SH3BGRL2: variants seen among roughly 807,000 people sequenced by gnomAD.
The protein encoded by SH3BGRL2 is SH3 domain binding glutamate rich protein like 2.
A neutral mutation model predicts 14.8 loss-of-function variants in SH3BGRL2; 21 were observed. That is an observed-to-expected ratio of 1.42 (90% CI 1.01 to 2.05). SH3BGRL2 has a LOEUF of 2.05. Ranked by LOEUF, SH3BGRL2 falls within the 30% of genes most tolerant of loss-of-function variation. SH3BGRL2 has a pLI of 0.00. For missense variants in SH3BGRL2, 147 were observed against 130.8 expected (o/e 1.12, Z -0.61); for synonymous variants, 50 against 47.8 (o/e 1.05, Z -0.19).
the SH3BGRL2 span, among the ~76,000 whole-genome samples, chr6:79,591,323 A>G: frequency 6.6e-6 from 1 of 152,172 alleles, no homozygotes; most frequent in Non-Finnish European, 1.5e-5. Flanking sequence ...CTATTGATCT[A>G]ATCTTTTTAT....
At chr6:79,555,998 G>C in the SH3BGRL2 span, among the ~76,000 whole-genome samples, 9 of 152,068 alleles carry the variant, frequency 5.9e-5, no homozygotes, top group African/African-American at 2.2e-4. Context: ...GGGACATGTC[G>C]TGGGCTTAGG....
At chr6:79,600,245 A>G in the SH3BGRL2 span, among the ~76,000 whole-genome samples, 1 of 152,162 alleles carries the variant, frequency 6.6e-6, no homozygotes, top group Non-Finnish European at 1.5e-5. Flanking sequence ...ACTTTCTCTA[A>G]TGAATCTGCC....
At chr6:79,564,078 A>G in the SH3BGRL2 span, among the ~76,000 whole-genome samples, 1 of 152,114 alleles carries the variant, frequency 6.6e-6, no homozygotes, top group African/African-American at 2.4e-5. Context: ...GTAGATTGCT[A>G]TGGCAAGCTG....
At chr6:79,638,843 C>G (rs1488766136) in intron 1 of SH3BGRL2, among the ~76,000 whole-genome samples, 1 of 152,016 alleles carries the variant, frequency 6.6e-6, no homozygotes, top group African/African-American at 2.4e-5. Context: ...CAATATTAAT[C>G]TCCTGTTGAC....
the SH3BGRL2 span, among the ~76,000 whole-genome samples, chr6:79,545,031 G>T: frequency 6.6e-6 from 1 of 152,302 alleles, no homozygotes; most frequent in South Asian, 2.1e-4. Flanking sequence ...TCTCCCTCTA[G>T]TTCTATTTCT....
chr6:79,546,503 C>T, the SH3BGRL2 span, among the ~76,000 whole-genome samples: 1 of 152,068 alleles, frequency 6.6e-6, no homozygotes, highest in Admixed American at 6.5e-5. Context: ...TTTACTTCAC[C>T]GTAAGAGAGG....
chr6:79,568,953 A>G, the SH3BGRL2 span, among the ~76,000 whole-genome samples: 1 of 152,110 alleles, frequency 6.6e-6, no homozygotes, highest in East Asian at 1.9e-4. Flanking sequence ...AGAATATTGG[A>G]AGAGATTTAT....
chr6:79,605,593 C>A, the SH3BGRL2 span, among the ~76,000 whole-genome samples: 1 of 152,166 alleles, frequency 6.6e-6, no homozygotes, highest in Non-Finnish European at 1.5e-5. Flanking sequence ...AGAATGAATT[C>A]AATGAATGCC....
At chr6:79,542,949 A>T in the SH3BGRL2 span, among the ~76,000 whole-genome samples, 10 of 152,220 alleles carry the variant, frequency 6.6e-5, no homozygotes, top group Non-Finnish European at 1.0e-4. Context: ...ACAGTTGGTG[A>T]CCACACAAGA....
chr6:79,675,394 C>T (rs1358813794), intron 2 of SH3BGRL2, among the ~76,000 whole-genome samples: 1 of 152,074 alleles, frequency 6.6e-6, no homozygotes, highest in Non-Finnish European at 1.5e-5. Flanking sequence ...AAATTTTAAT[C>T]TCTTATATAT....
Position 79,693,198 on chromosome 6 carries a change from C to T in SH3BGRL2, c.232-3287C>T, listed in dbSNP as rs566128513. Among the ~76,000 whole-genome samples the T allele has an allele frequency of 1.8e-4, 28 of 152,262 alleles. No individual in the cohort carries two copies. The South Asian group carries it at 3.3e-3, about 18-fold the overall frequency. On this transcript the variant is annotated intron_variant, in intron 2 of 3. Coordinates refer to ENST00000369838, the MANE Select transcript of SH3BGRL2 (RefSeq NM_031469.4). ...TATAGGAATGCTTGTGATTTTTGTA[C>T]GTTGGTTTTGTATCCTGAGACTTTG...
chr6:79,576,768 G>A, the SH3BGRL2 span, among the ~76,000 whole-genome samples: 1 of 152,128 alleles, frequency 6.6e-6, no homozygotes, highest in Non-Finnish European at 1.5e-5. Context: ...AACCCCAAAT[G>A]TTTCTTTGAT....
chr6:79,557,125 A>G, the SH3BGRL2 span, among the ~76,000 whole-genome samples: 3 of 151,950 alleles, frequency 2.0e-5, no homozygotes, highest in Non-Finnish European at 4.4e-5. Flanking sequence ...TTCCCTGACC[A>G]TATGCACAAC....
the SH3BGRL2 span, among the ~76,000 whole-genome samples, chr6:79,568,079 T>C: frequency 6.6e-6 from 1 of 152,126 alleles, no homozygotes; most frequent in Non-Finnish European, 1.5e-5. Flanking sequence ...AGCTTGCTTG[T>C]GAAGGTTAGG....
At chr6:79,618,419 C>T in the SH3BGRL2 span, among the ~76,000 whole-genome samples, 2 of 152,132 alleles carry the variant, frequency 1.3e-5, no homozygotes, top group African/African-American at 4.8e-5. Flanking sequence ...AGAAAATGGC[C>T]AGGTTGGGCC....
chr6:79,674,307 G>T (rs963064821), intron 2 of SH3BGRL2, among the ~76,000 whole-genome samples: 19 of 151,930 alleles, frequency 1.3e-4, no homozygotes, highest in Admixed American at 2.6e-4. Flanking sequence ...TTATGATAAT[G>T]AGCCAGAGGG....
chr6:79,606,123 G>A, the SH3BGRL2 span, among the ~76,000 whole-genome samples: 2 of 152,116 alleles, frequency 1.3e-5, no homozygotes, highest in Non-Finnish European at 2.9e-5. Flanking sequence ...ATGGCCAGAT[G>A]GAGTGGCTGA....
intron 1 of SH3BGRL2, among the ~76,000 whole-genome samples, chr6:79,644,210 T>A (rs143518881): frequency 6.6e-5 from 10 of 152,260 alleles, no homozygotes; most frequent in African/African-American, 2.4e-4. Context: ...ACAAAGGTGT[T>A]CTTGTGAGTG....
chr6:79,563,605 G>A, the SH3BGRL2 span, among the ~76,000 whole-genome samples: 2 of 152,134 alleles, frequency 1.3e-5, no homozygotes, highest in Non-Finnish European at 2.9e-5. Context: ...AGGCTAGTCT[G>A]CCACAGGTTG....
Sources: gnomAD v4.1 joint callset for allele counts (sites outside exome capture counted in the v4.1 genomes callset) on GRCh38, gnomAD v4.1.1 for gene constraint, MANE v1.5 for transcripts, NCBI Gene and HGNC (gene_info 2026-07-23, HGNC 2026-07-21) for gene names.